SCN11A: variants seen among roughly 807,000 people sequenced by gnomAD.
SCN11A encodes the protein sodium channel protein type 11 subunit alpha.
A neutral mutation model predicts 162.2 loss-of-function variants in SCN11A; 122 were observed. The ratio of observed to expected loss-of-function variants is 0.75; its 90% CI spans 0.65 to 0.87. SCN11A has a LOEUF of 0.87. Among genes scored for constraint, SCN11A ranks in the 40% least tolerant of loss-of-function variants. The pLI is 0.00. For synonymous variants in SCN11A, 758 were observed against 751.5 expected (o/e 1.01, Z -0.14); for missense variants, 2,015 against 2,181.6 (o/e 0.92, Z 1.52).
intron 16 of SCN11A, among the ~76,000 whole-genome samples, chr3:38,902,259 A>G (rs111973685): frequency 1.3e-5 from 2 of 152,238 alleles, no homozygotes; most frequent in Admixed American, 6.5e-5. Context: ...AGGATAGCTG[A>G]ATACATGGCC....
chr3:38,880,938 A>C (rs571967470), intron 22 of SCN11A, among the ~76,000 whole-genome samples: 1 of 152,296 alleles, frequency 6.6e-6, no homozygotes, highest in South Asian at 2.1e-4. Context: ...GCCTGTTACT[A>C]AAGCTGCCCA....
intron 11 of SCN11A, among the ~76,000 whole-genome samples, chr3:38,912,508 C>T (rs1280816003): frequency 6.6e-6 from 1 of 152,066 alleles, no homozygotes; most frequent in East Asian, 1.9e-4. Context: ...TTCTGGCGTA[C>T]ATGTGCAGGT....
chr3:38,911,643 G>A (rs550787272), intron 11 of SCN11A, among the ~76,000 whole-genome samples: 2 of 152,140 alleles, frequency 1.3e-5, no homozygotes, highest in East Asian at 3.9e-4. Flanking sequence ...GTCAAAAGTT[G>A]GGACTTTTGA....
At chr3:39,043,220 A>T (rs2032098544) in intron 1 of SCN11A, among the ~76,000 whole-genome samples, 1 of 152,184 alleles carries the variant, frequency 6.6e-6, no homozygotes, top group African/African-American at 2.4e-5. Flanking sequence ...TGTTGGTAAG[A>T]AGGCACATTT....
intron 11 of SCN11A, 42 bp downstream of exon 11, chr3:38,919,893 G>T (rs756206087): frequency 3.5e-6 from 5 of 1,433,750 alleles, no homozygotes; most frequent in Non-Finnish European, 3.9e-6. Context: ...AAAAGGTCTA[G>T]AGGTACTCTT....
At chr3:38,974,016 CA>C (rs923970889) in intron 2 of SCN11A, among the ~76,000 whole-genome samples, 3 of 152,104 alleles carry the variant, frequency 2.0e-5, no homozygotes, top group Admixed American at 1.3e-4. Flanking sequence ...TATCACCTTA[CA>C]ATCAAAGTCA....
chr3:38,904,662 C>CAA (rs923911863), intron 15 of SCN11A, among the ~76,000 whole-genome samples: 2 of 152,066 alleles, frequency 1.3e-5, no homozygotes, highest in Non-Finnish European at 2.9e-5. Context: ...ACCTATTTGA[C>CAA]CCCCCTTGCA....
chr3:39,051,716 C>T (rs1221094332), intron 1 of SCN11A, among the ~76,000 whole-genome samples, 145 bp downstream of exon 1: 1 of 152,104 alleles, frequency 6.6e-6, no homozygotes, highest in Non-Finnish European at 1.5e-5. Flanking sequence ...TTTGCTTGGG[C>T]CTCTCGGGGA....
chr3:38,907,222 T>C (rs2065806351), intron 14 of SCN11A, among the ~76,000 whole-genome samples: 2 of 151,666 alleles, frequency 1.3e-5, no homozygotes, highest in South Asian at 2.1e-4. Context: ...GCACAGCAAG[T>C]AGGAAATTAG....
At chr3:38,881,452 A>G (rs2065307746) in intron 22 of SCN11A, among the ~76,000 whole-genome samples, 1 of 152,204 alleles carries the variant, frequency 6.6e-6, no homozygotes, top group Admixed American at 6.5e-5. Flanking sequence ...CTGGTTCAGC[A>G]GATCTGAGTT....
At chr3:39,014,271 C>T (rs2031226722) in intron 2 of SCN11A, among the ~76,000 whole-genome samples, 2 of 152,156 alleles carry the variant, frequency 1.3e-5, no homozygotes, top group African/African-American at 2.4e-5. Flanking sequence ...AGAAATGCCT[C>T]CAATTCAATG....
chr3:38,972,004 T>C (rs1027841380), intron 2 of SCN11A, among the ~76,000 whole-genome samples: 3 of 152,080 alleles, frequency 2.0e-5, no homozygotes, highest in Admixed American at 1.3e-4. Flanking sequence ...TAAAAGCTTA[T>C]GGAATACACA....
chr3:38,927,069 G>T, intron 7 of SCN11A, 138 bp from the exon 8 acceptor site: 1 of 762,720 alleles, frequency 1.3e-6, no homozygotes, highest in Non-Finnish European at 2.1e-6. Flanking sequence ...GCAAACCAGA[G>T]TTCAAAAATG....
chr3:38,852,227 G>A (rs2064793937), intron 28 of SCN11A, among the ~76,000 whole-genome samples: 1 of 152,158 alleles, frequency 6.6e-6, no homozygotes, highest in Non-Finnish European at 1.5e-5. Flanking sequence ...TTTCAGTTGT[G>A]ACTTTCGAAC....
At chr3:39,045,513 C>T (rs1053766833) in intron 1 of SCN11A, among the ~76,000 whole-genome samples, 3 of 152,140 alleles carry the variant, frequency 2.0e-5, no homozygotes, top group Admixed American at 6.6e-5. Context: ...ACAAAAGATA[C>T]ATCACATCAG....
chr3:38,912,746 T>A (rs1001806983), intron 11 of SCN11A, among the ~76,000 whole-genome samples: 3 of 152,226 alleles, frequency 2.0e-5, no homozygotes, highest in Non-Finnish European at 4.4e-5. Flanking sequence ...TTCTGTTTCC[T>A]GCTTTAGTTT....
At chr3:39,023,984 C>A (rs1176059877) in intron 2 of SCN11A, among the ~76,000 whole-genome samples, 2 of 152,272 alleles carry the variant, frequency 1.3e-5, no homozygotes, top group Admixed American at 1.3e-4. Flanking sequence ...CCTTCCCAAT[C>A]ACCAGTTTTT....
At chr3:38,887,357 C>T (rs1309427152) in intron 19 of SCN11A, among the ~76,000 whole-genome samples, 1 of 150,960 alleles carries the variant, frequency 6.6e-6, no homozygotes, top group African/African-American at 2.4e-5. Context: ...AGTCACACCA[C>T]CTGGCACCTC....
At chr3:38,982,882 GTTA>G (rs2030112185) in intron 2 of SCN11A, among the ~76,000 whole-genome samples, 1 of 152,174 alleles carries the variant, frequency 6.6e-6, no homozygotes, top group East Asian at 1.9e-4. Flanking sequence ...TCTGCGAAAT[GTTA>G]TTATAGCCAT....
Sources: gnomAD v4.1 joint callset for allele counts (sites outside exome capture counted in the v4.1 genomes callset) on GRCh38, gnomAD v4.1.1 for gene constraint, MANE v1.5 for transcripts, NCBI Gene and HGNC (gene_info 2026-07-23, HGNC 2026-07-21) for gene names.